FRMD5: variants seen among roughly 807,000 people sequenced by gnomAD.
FRMD5 encodes FERM domain containing 5, also known as FERM domain-containing protein 5.
Under a neutral mutation model 69.0 loss-of-function variants are expected in FRMD5, and 20 were observed. That is an observed-to-expected ratio of 0.29 (90% CI 0.20 to 0.42). The LOEUF is 0.42. Among genes scored for constraint, FRMD5 ranks in the 10% least tolerant of loss-of-function variants. The pLI is 1.00. For missense variants in FRMD5, 595 were observed against 708.6 expected, an observed-to-expected ratio of 0.84 and a Z score of 1.82; for synonymous variants, 271 against 260.1, an observed-to-expected ratio of 1.04 and a Z score of -0.40.
At chr15:44,050,399 G>A (rs977064176) in intron 1 of FRMD5, among the ~76,000 whole-genome samples, 3 of 151,914 alleles carry the variant, frequency 2.0e-5, no homozygotes, top group Non-Finnish European at 2.9e-5. Flanking sequence ...TCACTCTGCC[G>A]GCCAGGCTGG....
intron 8 of FRMD5, among the ~76,000 whole-genome samples, chr15:43,890,768 G>T (rs2088775294): frequency 6.6e-6 from 1 of 152,132 alleles, no homozygotes; most frequent in Non-Finnish European, 1.5e-5. Context: ...CTGTTGTCCT[G>T]GGGAGTCGAG....
rs776351346 is a variant in FRMD5 at position 43,888,250 on chromosome 15, A to T, written c.809T>A (p.Leu270His). 9.3e-6 allele frequency: 15 copies of T among 1,613,624 alleles called. No individual in the cohort carries two copies. Among genetic ancestry groups the T allele is most frequent in the Non-Finnish European group, 1.1e-5 (13 of 1,179,546 alleles). The change falls in exon 10 of 14, where the codon CTT (leucine) becomes CAT (histidine). Residue 270 changes from leucine (L) to histidine (H), a missense_variant. By Grantham distance (99) the Leu-to-His change is moderately conservative. Around this residue, in one of 5 missense-constraint regions of FRMD5, gnomAD observed 176 missense variants for 266.3 expected, o/e 0.66. Coordinates refer to ENST00000417257, the MANE Select transcript of FRMD5 (RefSeq NM_032892.5). ...VSQKEEKKII[L>H]TYFAPTPEAC... ...TTCAGGAGTTGGAGCAAAATATGTAAGAATAATTTTCTTTTCCTGCAAAAA... is the reference window on the plus strand; with the variant it reads ...TTCAGGAGTTGGAGCAAAATATGTATGAATAATTTTCTTTTCCTGCAAAAA...
chr15:43,941,341 C>T (rs1481447367), intron 1 of FRMD5, among the ~76,000 whole-genome samples: 1 of 152,178 alleles, frequency 6.6e-6, no homozygotes, highest in African/African-American at 2.4e-5. Context: ...GCCACAAACT[C>T]CTGGGCTTAT....
chr15:43,956,476 T>A (rs2090117240), intron 1 of FRMD5, among the ~76,000 whole-genome samples: 1 of 152,186 alleles, frequency 6.6e-6, no homozygotes, highest in Non-Finnish European at 1.5e-5. Context: ...TTGATTAAAA[T>A]ACACATGATG....
chr15:43,992,425 C>T (rs1380626466), intron 1 of FRMD5, among the ~76,000 whole-genome samples: 1 of 150,900 alleles, frequency 6.6e-6, no homozygotes, highest in Non-Finnish European at 1.5e-5. Flanking sequence ...GTTGCCCAGG[C>T]TGGAGAGCCG....
intron 1 of FRMD5, among the ~76,000 whole-genome samples, chr15:44,173,524 TA>T (rs758512674): frequency 8.6e-5 from 13 of 151,970 alleles, no homozygotes; most frequent in Non-Finnish European, 1.6e-4. Context: ...AAAATATACA[TA>T]TTTTTTTCTT....
intron 1 of FRMD5, among the ~76,000 whole-genome samples, chr15:44,073,058 T>C (rs1006233511): frequency 1.3e-5 from 2 of 152,142 alleles, no homozygotes; most frequent in Admixed American, 6.6e-5. Flanking sequence ...TGCCAGAGCC[T>C]GGGAGTTAAA....
intron 4 of FRMD5, chr15:43,918,982 TC>T: frequency 3.8e-6 from 1 of 261,384 alleles, no homozygotes; most frequent in South Asian, 4.0e-5. Flanking sequence ...ACGAACCTGA[TC>T]CAACAGCACC....
chr15:44,139,726 A>C (rs971500710), intron 1 of FRMD5, among the ~76,000 whole-genome samples: 1 of 93,898 alleles, frequency 1.1e-5, no homozygotes, highest in African/African-American at 3.6e-5. Context: ...CCCAGTCTCT[A>C]CAAAAAAAAA....
chr15:43,919,851 G>C lies in FRMD5; in HGVS notation c.208-42C>G, dbSNP rs781102062. ...AGAACATGAAAACCCTAATGAGAAG[G>C]GCTGTAAAATATAACTTGTTTTCTC... On this transcript the variant is annotated intron_variant, in intron 2 of 13. Coordinates refer to ENST00000417257, the MANE Select transcript of FRMD5 (RefSeq NM_032892.5). 4 of 1,568,592 alleles carry C rather than the reference G, an allele frequency of 2.6e-6. No individual in the cohort carries two copies. In the Admixed American group the frequency reaches 5.0e-5, roughly 20 times the overall value.
intron 1 of FRMD5, among the ~76,000 whole-genome samples, chr15:43,993,884 A>T (rs576538126): frequency 1.3e-5 from 2 of 152,308 alleles, no homozygotes; most frequent in African/African-American, 4.8e-5. Context: ...TATCTGACAT[A>T]AGAATAGTTA....
chr15:44,015,639 C>A (rs1890923265), intron 1 of FRMD5, among the ~76,000 whole-genome samples: 1 of 151,842 alleles, frequency 6.6e-6, no homozygotes, highest in African/African-American at 2.4e-5. Flanking sequence ...TCCTTTGGAC[C>A]CTTAGTACAG....
intron 1 of FRMD5, among the ~76,000 whole-genome samples, chr15:44,174,872 A>T (rs75692941): frequency 3.3e-5 from 5 of 152,036 alleles, no homozygotes; most frequent in African/African-American, 1.2e-4. Flanking sequence ...ACATGGACAC[A>T]GGGAGGGAAC....
intron 1 of FRMD5, among the ~76,000 whole-genome samples, chr15:43,964,169 A>G (rs2090253209): frequency 6.6e-6 from 1 of 152,176 alleles, no homozygotes; most frequent in South Asian, 2.1e-4. Flanking sequence ...TTCACTGGGT[A>G]TAGATCAACT....
chr15:44,055,651 A>C (rs1381828092), intron 1 of FRMD5, among the ~76,000 whole-genome samples: 1 of 152,220 alleles, frequency 6.6e-6, no homozygotes, highest in East Asian at 1.9e-4. Flanking sequence ...TCTTCAGGAA[A>C]GGAAATATGA....
intron 1 of FRMD5, among the ~76,000 whole-genome samples, chr15:43,967,045 T>C (rs2090305559): frequency 1.3e-5 from 2 of 152,170 alleles, no homozygotes; most frequent in African/African-American, 4.8e-5. Context: ...TGGACTTGCT[T>C]CTGGCTGGAG....
Position 43,893,128 on chromosome 15 carries a change from C to CAA in FRMD5, c.640-1061_640-1060dup, listed in dbSNP as rs397957563. On this transcript the variant is annotated intron_variant, in intron 7 of 13. Transcript: ENST00000417257. ...CAAAAAAACAAAACAAACGAAAAAA[C>CAA]AAAAAAAAAAAAAAACATTTTATGG... 3.5e-4 allele frequency among the ~76,000 whole-genome samples: 41 copies of CAA among 117,428 alleles called. 1 individual carries two copies. The highest frequency in any genetic ancestry group is 1.5e-3 in the East Asian group (6 of 4,132). 77.0% of individuals were successfully genotyped at this position (117,428 alleles called of 152,430 possible).
intron 1 of FRMD5, among the ~76,000 whole-genome samples, chr15:44,191,475 A>C (rs2078191640): frequency 6.6e-6 from 1 of 151,842 alleles, no homozygotes; most frequent in Non-Finnish European, 1.5e-5. Context: ...AATACCAGCT[A>C]CTCGGGAGGT....
intron 7 of FRMD5, among the ~76,000 whole-genome samples, chr15:43,896,862 C>T (rs2088921634): frequency 1.3e-5 from 2 of 152,292 alleles, no homozygotes; most frequent in East Asian, 1.9e-4. Flanking sequence ...ACATGCTGTA[C>T]CAGATACGCC....
Sources: gnomAD v4.1 joint callset for allele counts (sites outside exome capture counted in the v4.1 genomes callset) on GRCh38, gnomAD v4.1.1 for gene constraint, gnomAD v4.1.1 regional missense constraint, MANE v1.5 for transcripts, NCBI Gene and HGNC (gene_info 2026-07-23, HGNC 2026-07-21) for gene names.